The following SUSD1 variants were observed in gnomAD, a reference collection of about 807,000 sequenced individuals.
SUSD1 encodes the protein sushi domain containing 1.
A neutral mutation model predicts 86.9 loss-of-function variants in SUSD1; 65 were observed. The ratio of observed to expected loss-of-function variants is 0.75; its 90% CI spans 0.61 to 0.92. SUSD1 has a LOEUF of 0.92. Among genes scored for constraint, SUSD1 ranks in the 40% least tolerant of loss-of-function variants. SUSD1 has a pLI of 0.00. For missense variants in SUSD1, 850 were observed against 929.7 expected, an observed-to-expected ratio of 0.91 and a Z score of 1.11; for synonymous variants, 346 against 350.0, an observed-to-expected ratio of 0.99 and a Z score of 0.13.
chr9:112,144,676 A>G (rs1832731546), intron 3 of SUSD1, among the ~76,000 whole-genome samples: 1 of 152,182 alleles, frequency 6.6e-6, no homozygotes, highest in African/African-American at 2.4e-5. Context: ...AGGAGAGTGA[A>G]AATGCCAGCC....
chr9:112,052,135 A>G, intron 15 of SUSD1: 1 of 1,403,098 alleles, frequency 7.1e-7, no homozygotes, highest in East Asian at 2.7e-5. Context: ...AACAAGAGAA[A>G]AATAGAAAGT....
Position 112,041,851 on chromosome 9 carries a change from T to C in SUSD1, c.2243+16A>G, listed in dbSNP as rs1827753726. On this transcript the variant is annotated intron_variant, in intron 16 of 16. Transcript: ENST00000374270. ...CTCCATTCCAGTCATTTCTCAAAAA[T>C]GACACCCTCACATACCACACCGCTG... The C allele has an allele frequency of 1.2e-6, 2 of 1,610,772 alleles. No homozygotes were observed. Among genetic ancestry groups the C allele is most frequent in the South Asian group, 1.1e-5 (1 of 90,606 alleles).
At position 112,112,878 on chromosome 9, in the gene SUSD1, A is replaced by G; in HGVS notation, c.887-10T>C. 1 of 1,581,974 alleles carries G rather than the reference A, an allele frequency of 6.3e-7. No homozygotes were observed. Among genetic ancestry groups the G allele is most frequent in the Non-Finnish European group, 8.7e-7 (1 of 1,151,436 alleles). On this transcript the variant is annotated splice_polypyrimidine_tract_variant and intron_variant, in intron 6 of 16. Coordinates refer to ENST00000374270, the MANE Select transcript of SUSD1 (RefSeq NM_022486.5). ...ATCTTTGTCAGAATTTCTAAAAGAG[A>G]AAAAGGCAGTCAACTCACAAAATGC...
intron 15 of SUSD1, among the ~76,000 whole-genome samples, chr9:112,047,276 T>A (rs1350802156): frequency 1.3e-5 from 2 of 152,082 alleles, no homozygotes; most frequent in Non-Finnish European, 2.9e-5. Flanking sequence ...GAGAACTCTA[T>A]CACGAGAACA....
chr9:112,108,774 C>CAAAAAAAAAAAAAAAAGAAA (rs1830954013), intron 8 of SUSD1, among the ~76,000 whole-genome samples: 4 of 68,606 alleles, frequency 5.8e-5, no homozygotes, highest in African/African-American at 9.7e-5. Context: ...CTGGGTGTCT[C>CAAAAAAAAAAAAAAAAGAAA]AAAAAAAAAA....
chr9:112,063,025 G>A lies in SUSD1; in HGVS notation c.1762C>T (p.Leu588Phe). The change falls in exon 13 of 17, where the codon CTC (leucine) becomes TTC (phenylalanine). Residue 588 changes from leucine to phenylalanine, a missense_variant. Leu to Phe is a conservative substitution (Grantham distance 22). Coordinates refer to ENST00000374270, the MANE Select transcript of SUSD1 (RefSeq NM_022486.5). ...ACCGTAAAAAATTCTACTTCCGGGA[G>A]GGGAGGCTCTGAAAACATGTTGAAA... ...SLTTQITEPP[L>F]PEVEFFTVHR... The A allele has an allele frequency of 1.9e-6, 3 of 1,610,304 alleles. No individual in the cohort carries two copies. Among genetic ancestry groups the A allele is most frequent in the Non-Finnish European group, 2.5e-6 (3 of 1,176,652 alleles).
rs145998993 is a variant in SUSD1 at position 112,163,851 on chromosome 9, A to C, written c.104-6238T>G. ...TGTCTCTACTAAAAATACAAAAAAA[A>C]TTAGCTAGGCATGGTGGTGGACACC... On this transcript the variant is annotated intron_variant, in intron 1 of 16. Coordinates refer to ENST00000374270, the MANE Select transcript of SUSD1 (RefSeq NM_022486.5). 3.9e-5 allele frequency among the ~76,000 whole-genome samples: 6 copies of C among 151,960 alleles called. No individual in the cohort carries two copies. In the South Asian group the frequency reaches 1.3e-3, roughly 32 times the overall value.
chr9:112,120,631 C>T (rs1831513451), intron 6 of SUSD1, among the ~76,000 whole-genome samples: 1 of 152,224 alleles, frequency 6.6e-6, no homozygotes, highest in Non-Finnish European at 1.5e-5. Flanking sequence ...TAAATCAAAG[C>T]TTGCATAAAC....
At chr9:112,096,299 A>G (rs1274407105) in intron 10 of SUSD1, among the ~76,000 whole-genome samples, 1 of 152,144 alleles carries the variant, frequency 6.6e-6, no homozygotes, top group Non-Finnish European at 1.5e-5. Context: ...GGTTTCCATG[A>G]CATTCCTAGA....
chr9:112,065,534 A>C (rs1439308747), intron 12 of SUSD1, among the ~76,000 whole-genome samples: 1 of 152,180 alleles, frequency 6.6e-6, no homozygotes, highest in Non-Finnish European at 1.5e-5. Flanking sequence ...CAAAAAGTAA[A>C]AATAAAAACA....
intron 2 of SUSD1, among the ~76,000 whole-genome samples, chr9:112,156,456 A>G (rs1482906408): frequency 2.0e-5 from 3 of 150,252 alleles, no homozygotes; most frequent in East Asian, 3.9e-4. Context: ...GTGAGACTCC[A>G]TCTCAAAAAA....
At chr9:112,086,168 G>A (rs1237097370) in intron 10 of SUSD1, among the ~76,000 whole-genome samples, 6 of 151,278 alleles carry the variant, frequency 4.0e-5, no homozygotes, top group African/African-American at 1.2e-4. Context: ...AAATAAAAAA[G>A]TTAGCTGAGC....
At chr9:112,072,140 C>CTTTTTTTTTTTTTTT in intron 12 of SUSD1, among the ~76,000 whole-genome samples, 14 of 121,164 alleles carry the variant, frequency 1.2e-4, no homozygotes, top group African/African-American at 1.3e-4. Context: ...CTTTCTTTCT[C>CTTTTTTTTTTTTTTT]TTTTTTTTTT....
rs1344546685 is a variant in SUSD1, at chr9:112,149,541, C to T, written c.218-142G>A. 6.2e-6 allele frequency: 6 copies of T among 964,110 alleles called. No homozygotes were observed. The African/African-American group carries it at 9.8e-5, about 16-fold the overall frequency. 59.7% of individuals were successfully genotyped at this position (964,110 alleles called of 1,614,324 possible). A position where few individuals can be genotyped will look rare whatever the true frequency, so the allele number is the denominator to read the frequency against. ...TGATCTATTTCTCCAGCCTCTTCTCCTTTCACGATGCTCCCCAGACTACAG... is the reference window on the plus strand; with the variant it reads ...TGATCTATTTCTCCAGCCTCTTCTCTTTTCACGATGCTCCCCAGACTACAG... On this transcript the variant is annotated intron_variant, in intron 2 of 16. Coordinates refer to ENST00000374270, the MANE Select transcript of SUSD1 (RefSeq NM_022486.5).
chr9:112,100,100 C>A (rs1288956946), intron 9 of SUSD1, among the ~76,000 whole-genome samples: 1 of 152,220 alleles, frequency 6.6e-6, no homozygotes, highest in African/African-American at 2.4e-5. Flanking sequence ...CGTCTATTTT[C>A]TTTAGCAAAC....
chr9:112,106,040 A>C (rs2131628839), intron 8 of SUSD1, among the ~76,000 whole-genome samples: 1 of 152,290 alleles, frequency 6.6e-6, no homozygotes, highest in Non-Finnish European at 1.5e-5. Flanking sequence ...CGCAGGCTGG[A>C]GTGCAGTGGT....
chr9:112,100,511 A>T (rs1391614617), intron 9 of SUSD1, among the ~76,000 whole-genome samples: 1 of 151,988 alleles, frequency 6.6e-6, no homozygotes, highest in Non-Finnish European at 1.5e-5. Flanking sequence ...TCTATGACTC[A>T]GTATAACAGT....
chr9:112,120,576 T>C (rs758835526), intron 6 of SUSD1, among the ~76,000 whole-genome samples: 5 of 152,216 alleles, frequency 3.3e-5, no homozygotes, highest in Non-Finnish European at 7.3e-5. Context: ...AAAGGCCTCC[T>C]CACAGAAAGA....
chr9:112,078,740 G>T lies in SUSD1; in HGVS notation c.1567-16C>A. The T allele has an allele frequency of 6.2e-7, 1 of 1,603,438 alleles. No homozygotes were observed. ...AAATGTGGAACTGAAACATAAAAAA[G>T]CTCACTGGGTGAATGGTTGGCCTAA... On this transcript the variant is annotated splice_polypyrimidine_tract_variant and intron_variant, in intron 11 of 16. Coordinates refer to ENST00000374270, the MANE Select transcript of SUSD1 (RefSeq NM_022486.5).
Sources: allele counts gnomAD v4.1 joint callset (sites outside exome capture counted in the v4.1 genomes callset), GRCh38; gene constraint gnomAD v4.1.1; transcripts MANE v1.5; gene names NCBI Gene and HGNC (gene_info 2026-07-23, HGNC 2026-07-21).